Variants in GAB2 observed in about 807,000 individuals in gnomAD.
The protein encoded by GAB2 is GRB2 associated binding protein 2, also known as GRB2-associated-binding protein 2.
GAB2 carries 26 observed loss-of-function variants against 65.5 expected under a neutral mutation model. The observed-to-expected ratio is 0.40, with a 90% CI of 0.29 to 0.55. The LOEUF (loss-of-function observed/expected upper bound fraction) is 0.55. GAB2 is among the 20% of genes least tolerant of loss of function. The pLI is 0.53. For missense variants in GAB2, 884 were observed against 875.8 expected, an observed-to-expected ratio of 1.01 and a Z score of -0.12; for synonymous variants, 321 against 329.6, an observed-to-expected ratio of 0.97 and a Z score of 0.28.
intron 1 of GAB2, among the ~76,000 whole-genome samples, chr11:78,392,669 G>C (rs750535046): frequency 1.1e-4 from 16 of 152,196 alleles, no homozygotes; most frequent in Non-Finnish European, 2.1e-4. Context: ...GTACTGGGGA[G>C]AACAGAGAGA....
intron 1 of GAB2, chr11:78,318,369 C>CAAAAAAAAAAAAAAAAAAAAAAAAACAA (rs11272998): frequency 2.1e-5 from 1 of 47,676 alleles, no homozygotes; most frequent in Non-Finnish European, 4.0e-5. Flanking sequence ...TGTTAAATGC[C>CAAAAAAAAAAAAAAAAAAAAAAAAACAA]AAAAAAAAAA....
chr11:78,345,086 C>G (rs1856158439), intron 1 of GAB2, among the ~76,000 whole-genome samples: 1 of 152,090 alleles, frequency 6.6e-6, no homozygotes, highest in African/African-American at 2.4e-5. Flanking sequence ...TCAAGACCAG[C>G]CCGCGCAACA....
chr11:78,289,816 T>TA (rs1385512663), intron 1 of GAB2, among the ~76,000 whole-genome samples: 1 of 136,496 alleles, frequency 7.3e-6, no homozygotes, highest in Non-Finnish European at 1.6e-5. Context: ...AACAGGACCT[T>TA]TTTTTTTTTT....
chr11:78,219,061 G>T lies in GAB2; in HGVS notation c.*211C>A. On this transcript the variant is annotated 3_prime_UTR_variant, in exon 10 of 10. Coordinates refer to ENST00000361507, the MANE Select transcript of GAB2 (RefSeq NM_080491.3). ...ATGGCCATTACTGATAAAAATCACA[G>T]CTGGGCCCCGAGTGGGCAGAGGAGG... 1 of 548,882 alleles carries T rather than the reference G, an allele frequency of 1.8e-6. No individual in the cohort carries two copies. The highest frequency in any genetic ancestry group is 3.0e-5 in the East Asian group (1 of 33,298). 34.0% of individuals were successfully genotyped at this position (548,882 alleles called of 1,614,324 possible). A position where few individuals can be genotyped will look rare whatever the true frequency, so the allele number is the denominator to read the frequency against.
At chr11:78,405,579 T>C (rs1857033058) in intron 1 of GAB2, among the ~76,000 whole-genome samples, 1 of 152,186 alleles carries the variant, frequency 6.6e-6, no homozygotes, top group Non-Finnish European at 1.5e-5. Context: ...ATAAGCAACA[T>C]TCAAGACCAT....
At chr11:78,360,459 T>C (rs182650929) in intron 1 of GAB2, among the ~76,000 whole-genome samples, 2 of 151,418 alleles carry the variant, frequency 1.3e-5, no homozygotes, top group Admixed American at 1.3e-4. Context: ...AGAGTAAATA[T>C]ACTGCTATAC....
chr11:78,389,360 G>A (rs1390046357), intron 1 of GAB2, among the ~76,000 whole-genome samples: 1 of 150,802 alleles, frequency 6.6e-6, no homozygotes, highest in Non-Finnish European at 1.5e-5. Context: ...AGGAAGGAGT[G>A]CAATGGCACA....
chr11:78,371,353 C>T (rs774938675), intron 1 of GAB2, among the ~76,000 whole-genome samples: 13 of 152,182 alleles, frequency 8.5e-5, no homozygotes, highest in South Asian at 4.1e-4. Flanking sequence ...TGTTGTGAAA[C>T]GCCAAGTAGG....
chr11:78,387,442 A>C (rs1369017310), intron 1 of GAB2, among the ~76,000 whole-genome samples: 1 of 152,192 alleles, frequency 6.6e-6, no homozygotes, highest in Non-Finnish European at 1.5e-5. Flanking sequence ...AGTTCTCATC[A>C]AGTTTATATT....
intron 1 of GAB2, among the ~76,000 whole-genome samples, chr11:78,327,884 G>T (rs1855851215): frequency 6.6e-6 from 1 of 152,096 alleles, no homozygotes; most frequent in Admixed American, 6.6e-5. Context: ...AGATTGAATT[G>T]AAGAAGTGGA....
At chr11:78,348,630 C>T (rs1393582367) in intron 1 of GAB2, among the ~76,000 whole-genome samples, 3 of 152,200 alleles carry the variant, frequency 2.0e-5, no homozygotes, top group African/African-American at 7.2e-5. Flanking sequence ...ATCACATACA[C>T]TGTTGATAGG....
chr11:78,350,805 C>A (rs777043195), intron 1 of GAB2, among the ~76,000 whole-genome samples: 2 of 152,202 alleles, frequency 1.3e-5, no homozygotes, highest in Non-Finnish European at 2.9e-5. Flanking sequence ...GGAACATGTG[C>A]TTTTGTGCTC....
At chr11:78,296,376 A>G (rs1047062646) in intron 1 of GAB2, among the ~76,000 whole-genome samples, 5 of 152,328 alleles carry the variant, frequency 3.3e-5, no homozygotes, top group African/African-American at 1.2e-4. Context: ...ACCTTATTTA[A>G]TATTTGTTGA....
chr11:78,382,342 GC>G (rs200739407), intron 1 of GAB2, among the ~76,000 whole-genome samples: 1 of 151,376 alleles, frequency 6.6e-6, no homozygotes, highest in Non-Finnish European at 1.5e-5. Context: ...CAATTCCTTG[GC>G]CCCCCCTTCT....
At chr11:78,294,755 C>A (rs2134612285) in intron 1 of GAB2, among the ~76,000 whole-genome samples, 1 of 152,288 alleles carries the variant, frequency 6.6e-6, no homozygotes, top group Middle Eastern at 3.4e-3. Context: ...GGATTAAAGA[C>A]TTAAATGTTA....
At position 78,221,710 on chromosome 11, in the gene GAB2, G is replaced by C. The variant is rs114514318; in HGVS notation, c.1728C>G (p.Asp576Glu). Residue 576 changes from aspartate (D) to glutamate (E), a missense_variant, in exon 8 of 10, where the codon GAC becomes GAG. Asp to Glu is a conservative substitution (Grantham distance 45, BLOSUM62 2). Coordinates refer to ENST00000361507, the MANE Select transcript of GAB2 (RefSeq NM_080491.3). The stretch of plus-strand genomic sequence containing the variant: ...CATAGTTCTCTTCGCTGTCTCCTGA[G>C]TCTGTGCTGGTGATGCTCTGGGTGG... ...PISTQSITST[D>E]SGDSEENYVP... 1.9e-6 allele frequency: 3 copies of C among 1,613,416 alleles called. No individual in the cohort carries two copies. In the East Asian group the frequency reaches 6.7e-5, roughly 36 times the overall value.
chr11:78,295,155 T>C (rs1156437288), intron 1 of GAB2, among the ~76,000 whole-genome samples: 2 of 152,196 alleles, frequency 1.3e-5, no homozygotes, highest in East Asian at 1.9e-4. Flanking sequence ...TCACTGGCCA[T>C]CAGAGAAATG....
intron 1 of GAB2, among the ~76,000 whole-genome samples, chr11:78,300,217 A>C (rs1455489214): frequency 1.3e-5 from 2 of 152,110 alleles, no homozygotes; most frequent in Admixed American, 6.5e-5. Context: ...TGCAGTATAT[A>C]TTCTTTTGTG....
intron 1 of GAB2, among the ~76,000 whole-genome samples, chr11:78,409,292 T>A (rs932420183): frequency 6.6e-6 from 1 of 152,072 alleles, no homozygotes; most frequent in Non-Finnish European, 1.5e-5. Flanking sequence ...TGTGTATATA[T>A]TGAACAACAG....
Sources: allele counts gnomAD v4.1 joint callset (sites outside exome capture counted in the v4.1 genomes callset), GRCh38; gene constraint gnomAD v4.1.1; transcripts MANE v1.5; gene names NCBI Gene and HGNC (gene_info 2026-07-23, HGNC 2026-07-21).